PRKN: variants seen among roughly 807,000 people sequenced by gnomAD.
PRKN encodes parkin RBR E3 ubiquitin protein ligase.
In PRKN, 56 loss-of-function variants were observed where a neutral mutation model predicts 59.5. The observed-to-expected ratio is 0.94, with a 90% CI of 0.76 to 1.18. The LOEUF (loss-of-function observed/expected upper bound fraction) is 1.18, where lower values mean the gene tolerates loss of function less well. Ranked by LOEUF, PRKN falls within the 50% of genes most tolerant of loss-of-function variation. The probability of loss-of-function intolerance (pLI) is 0.00; values close to 1 mark genes in which losing one functional copy is unlikely to be tolerated. For synonymous variants in PRKN, 250 were observed against 222.1 expected (o/e 1.13, Z -1.12); for missense variants, 657 against 596.4 (o/e 1.10, Z -1.06).
chr6:162,094,063 T>C (rs1779625214), intron 4 of PRKN, among the ~76,000 whole-genome samples: 1 of 152,110 alleles, frequency 6.6e-6, no homozygotes, highest in Admixed American at 6.6e-5. Flanking sequence ...GTGGTTCCAT[T>C]TGTCTGAGCG....
In PRKN at chr6:161,584,606, G is replaced by C. The variant is rs764113801; in HGVS notation, c.872-15190C>G. Among the ~76,000 whole-genome samples the C allele has an allele frequency of 2.5e-4, 38 of 152,166 alleles. No homozygotes were observed. The highest frequency in any genetic ancestry group is 2.9e-4 in the Non-Finnish European group (20 of 68,028). Reference sequence around the variant, plus strand: ...GATTTCCTGGTTTTATTGTAAGAGAGTAGCTGTTGTCCCTCCAATAAAAAG... The same window carrying C: ...GATTTCCTGGTTTTATTGTAAGAGACTAGCTGTTGTCCCTCCAATAAAAAG... On this transcript the variant is annotated intron_variant, in intron 7 of 11. Coordinates refer to ENST00000366898, the MANE Select transcript of PRKN (RefSeq NM_004562.3). This position sits in a 1 kb window ranked among gnomAD's most constrained non-coding sequence, Gnocchi z 4.8.
chr6:161,673,771 T>C (rs983504784), intron 7 of PRKN, among the ~76,000 whole-genome samples: 1 of 152,050 alleles, frequency 6.6e-6, no homozygotes, highest in Non-Finnish European at 1.5e-5. Context: ...TTTGAAGGAA[T>C]TGTCTGCAGG....
intron 4 of PRKN, among the ~76,000 whole-genome samples, chr6:162,158,423 T>TGG (rs1399283238): frequency 2.6e-5 from 4 of 151,394 alleles, no homozygotes; most frequent in African/African-American, 9.7e-5. Flanking sequence ...TGCGTTTTTT[T>TGG]TTTTTTTTTT....
At chr6:161,680,495 G>C (rs948996587) in intron 7 of PRKN, among the ~76,000 whole-genome samples, 3 of 151,926 alleles carry the variant, frequency 2.0e-5, no homozygotes, top group African/African-American at 7.3e-5. Context: ...TTCACGGATG[G>C]AATAAGGTAA....
At chr6:162,169,078 A>G (rs1336730439) in intron 4 of PRKN, among the ~76,000 whole-genome samples, 1 of 152,166 alleles carries the variant, frequency 6.6e-6, no homozygotes, top group Admixed American at 6.5e-5. Flanking sequence ...TGTGCTGAAG[A>G]CTTCAGGCTC....
intron 6 of PRKN, among the ~76,000 whole-genome samples, chr6:161,795,087 A>T (rs980342291): frequency 6.6e-6 from 1 of 151,548 alleles, no homozygotes; most frequent in Non-Finnish European, 1.5e-5. Context: ...GGTTTCACCA[A>T]GCTAGCCAGG....
At chr6:162,380,418 CATATATATATGTGTGTATATATAT>C (rs1265791244) in intron 2 of PRKN, among the ~76,000 whole-genome samples, 1 of 128,632 alleles carries the variant, frequency 7.8e-6, no homozygotes, top group African/African-American at 2.9e-5. Flanking sequence ...TATATACACA[CATATATATATGTGTGTATATATAT>C]ATATGTATAT....
intron 4 of PRKN, among the ~76,000 whole-genome samples, chr6:162,135,083 G>A (rs754422381): frequency 4.6e-5 from 7 of 152,068 alleles, no homozygotes; most frequent in African/African-American, 1.4e-4. Flanking sequence ...AAGAAATTCT[G>A]TCTAATTCAC....
chr6:162,452,559 T>C (rs1790677375), intron 1 of PRKN, among the ~76,000 whole-genome samples: 1 of 152,152 alleles, frequency 6.6e-6, no homozygotes, highest in Non-Finnish European at 1.5e-5. Flanking sequence ...ACAGACATTA[T>C]ATTTCTTATA....
At chr6:162,601,356 T>C (rs552020646) in intron 1 of PRKN, among the ~76,000 whole-genome samples, 2 of 130,394 alleles carry the variant, frequency 1.5e-5, no homozygotes, top group Admixed American at 7.9e-5. Context: ...AAATGGGTTT[T>C]GTTTTAGAAA....
At chr6:162,209,038 GC>G (rs1785080199) in intron 3 of PRKN, among the ~76,000 whole-genome samples, 1 of 152,130 alleles carries the variant, frequency 6.6e-6, no homozygotes, top group East Asian at 1.9e-4. Context: ...ACAGGCATGG[GC>G]AAGGACTTCA....
chr6:161,453,788 T>G (rs1308052293), intron 9 of PRKN, among the ~76,000 whole-genome samples: 1 of 90,814 alleles, frequency 1.1e-5, no homozygotes, highest in African/African-American at 4.3e-5. Context: ...TCCCCTCCCC[T>G]TCCCCTCTCC....
chr6:161,805,410 G>A (rs1410457206), intron 6 of PRKN, among the ~76,000 whole-genome samples: 1 of 151,786 alleles, frequency 6.6e-6, no homozygotes, highest in Non-Finnish European at 1.5e-5. Flanking sequence ...TCGAGGTCCC[G>A]CTAGGGAGCC....
At chr6:161,762,588 A>G (rs1024186535) in intron 7 of PRKN, among the ~76,000 whole-genome samples, 3 of 152,236 alleles carry the variant, frequency 2.0e-5, no homozygotes, top group Non-Finnish European at 4.4e-5. Flanking sequence ...AATCATGAGA[A>G]ACTGAAATTT....
At chr6:161,754,382 C>T (rs962354815) in intron 7 of PRKN, among the ~76,000 whole-genome samples, 6 of 151,864 alleles carry the variant, frequency 4.0e-5, no homozygotes, top group African/African-American at 1.2e-4. Context: ...GACCTGGTTC[C>T]GGAGAAGTTC....
intron 6 of PRKN, among the ~76,000 whole-genome samples, chr6:161,850,807 C>G (rs1793400953): frequency 6.6e-6 from 1 of 152,066 alleles, no homozygotes; most frequent in Non-Finnish European, 1.5e-5. Context: ...CCTCCTGTTA[C>G]CACCAATGCT....
intron 2 of PRKN, among the ~76,000 whole-genome samples, chr6:162,317,480 G>A (rs10945811): frequency 0.077 from 11,703 of 151,988 alleles, 1,110 homozygotes; most frequent in East Asian, 0.48. Flanking sequence ...CCCAGTCTTG[G>A]GTAAGTCTTT....
At chr6:161,631,757 G>A (rs1463347999) in intron 7 of PRKN, among the ~76,000 whole-genome samples, 5 of 116,874 alleles carry the variant, frequency 4.3e-5, no homozygotes, top group South Asian at 2.7e-4. Flanking sequence ...CTAGGGGTAC[G>A]CACACACCCA....
intron 1 of PRKN, among the ~76,000 whole-genome samples, chr6:162,628,129 C>T (rs185513847): frequency 3.0e-4 from 46 of 152,052 alleles, no homozygotes; most frequent in Admixed American, 1.2e-3. Flanking sequence ...AGAAGCCAGA[C>T]TGTCATGAAA....
Sources: allele counts gnomAD v4.1 joint callset (sites outside exome capture counted in the v4.1 genomes callset), GRCh38; gene constraint gnomAD v4.1.1; non-coding constraint Gnocchi (gnomAD v3.1); transcripts MANE v1.5; gene names NCBI Gene and HGNC (gene_info 2026-07-23, HGNC 2026-07-21).